Variants in CLSTN2 observed in about 807,000 individuals in gnomAD.
The protein encoded by CLSTN2 is calsyntenin 2.
A neutral mutation model predicts 101.2 loss-of-function variants in CLSTN2; 48 were observed. The observed-to-expected ratio is 0.47, with a 90% CI of 0.38 to 0.60. CLSTN2 has a LOEUF of 0.60. Among genes scored for constraint, CLSTN2 ranks in the 20% least tolerant of loss-of-function variants. The pLI is 0.00. For missense variants in CLSTN2, 1,160 were observed against 1,238.2 expected, an observed-to-expected ratio of 0.94 and a Z score of 0.95; for synonymous variants, 481 against 463.6, an observed-to-expected ratio of 1.04 and a Z score of -0.48.
chr3:140,175,163 A>G (rs540451789), intron 1 of CLSTN2, among the ~76,000 whole-genome samples: 60 of 152,330 alleles, frequency 3.9e-4, no homozygotes, highest in African/African-American at 1.4e-3. Context: ...TCTATCTCCC[A>G]ATAATTCACA....
intron 2 of CLSTN2, among the ~76,000 whole-genome samples, chr3:140,380,884 A>G (rs1470643836): frequency 6.6e-6 from 1 of 152,198 alleles, no homozygotes; most frequent in African/African-American, 2.4e-5. Flanking sequence ...AGGGCAATTG[A>G]AGAAGTGTAG....
chr3:140,429,500 T>G (rs1006588694), intron 5 of CLSTN2, among the ~76,000 whole-genome samples: 1 of 152,058 alleles, frequency 6.6e-6, no homozygotes, highest in Non-Finnish European at 1.5e-5. Flanking sequence ...ACAATGTGGC[T>G]GGATCAGAGG....
intron 1 of CLSTN2, among the ~76,000 whole-genome samples, chr3:140,133,830 G>T (rs1017645922): frequency 1.3e-5 from 2 of 152,178 alleles, no homozygotes; most frequent in Non-Finnish European, 1.5e-5. Context: ...AACCAAAACA[G>T]TTCTCCTGCC....
intron 5 of CLSTN2, among the ~76,000 whole-genome samples, chr3:140,429,790 CAAGTT>C (rs923433153): frequency 3.9e-5 from 6 of 152,124 alleles, no homozygotes; most frequent in African/African-American, 1.4e-4. Flanking sequence ...ATTCCAAACT[CAAGTT>C]AAAGTGGGCA....
chr3:140,532,055 G>C (rs909201365), intron 8 of CLSTN2, among the ~76,000 whole-genome samples: 4 of 152,074 alleles, frequency 2.6e-5, no homozygotes, highest in African/African-American at 9.7e-5. Context: ...GCCTCCCCAG[G>C]TGCACCATGG....
At chr3:140,175,404 T>G (rs548350801) in intron 1 of CLSTN2, among the ~76,000 whole-genome samples, 1 of 152,280 alleles carries the variant, frequency 6.6e-6, no homozygotes, top group African/African-American at 2.4e-5. Context: ...GTTTTATCTT[T>G]GCATATATAA....
At chr3:139,937,104 G>A (rs562112526) in intron 1 of CLSTN2, among the ~76,000 whole-genome samples, 3 of 151,866 alleles carry the variant, frequency 2.0e-5, no homozygotes, top group Non-Finnish European at 2.9e-5. Context: ...TACTTTTTTG[G>A]GGGGTGGGGG....
In CLSTN2 at chr3:140,448,842, A is replaced by G. The variant is rs529705913; in HGVS notation, c.973+138A>G. 6.8e-5 allele frequency: 51 copies of G among 748,128 alleles called. No individual in the cohort carries two copies. In the East Asian group the frequency reaches 1.4e-3, roughly 21 times the overall value. The allele number at this position is 748,128 out of a possible 1,614,324, so 46.3% of individuals were successfully genotyped here. On this transcript the variant is annotated intron_variant, in intron 6 of 16. Transcript: ENST00000458420. ...ATGTGTAACTCCTGGATGGATTTTA[A>G]GTTTACTTATGGCAGAAGGGTTGGA...
At chr3:140,430,476 TAAAGATTTATTGGAACACGGCC>T (rs1383430947) in intron 5 of CLSTN2, among the ~76,000 whole-genome samples, 1 of 152,228 alleles carries the variant, frequency 6.6e-6, no homozygotes, top group Admixed American at 6.5e-5. Context: ...TGCATGTAGA[TAAAGATTTATTGGAACACGGCC>T]ACACTCATTA....
intron 1 of CLSTN2, among the ~76,000 whole-genome samples, chr3:139,968,657 GTATTCTGT>G (rs897677876): frequency 6.6e-6 from 1 of 152,164 alleles, no homozygotes; most frequent in African/African-American, 2.4e-5. Context: ...CCAGTTTGTG[GTATTCTGT>G]TACAGAAGCA....
At chr3:140,042,860 T>C (rs1016698456) in intron 1 of CLSTN2, among the ~76,000 whole-genome samples, 4 of 152,320 alleles carry the variant, frequency 2.6e-5, no homozygotes, top group Non-Finnish European at 5.9e-5. Context: ...AACTCATCCT[T>C]TTTTATGGCT....
intron 2 of CLSTN2, among the ~76,000 whole-genome samples, chr3:140,285,412 C>T (rs542996776): frequency 2.6e-5 from 4 of 152,060 alleles, no homozygotes; most frequent in South Asian, 2.1e-4. Flanking sequence ...CGCTTCAGGT[C>T]GGCTTGCATG....
At chr3:140,388,134 C>T (rs1400809232) in intron 2 of CLSTN2, among the ~76,000 whole-genome samples, 1 of 152,236 alleles carries the variant, frequency 6.6e-6, no homozygotes, top group Admixed American at 6.5e-5. Flanking sequence ...AAGAAACCCA[C>T]TACAGGCTGT....
At chr3:140,029,839 C>T (rs1576402419) in intron 1 of CLSTN2, among the ~76,000 whole-genome samples, 3 of 152,208 alleles carry the variant, frequency 2.0e-5, no homozygotes, top group South Asian at 4.2e-4. Context: ...CTGCTGATAC[C>T]TCTGTATCAC....
chr3:140,189,602 T>C (rs1455597425), intron 2 of CLSTN2, among the ~76,000 whole-genome samples: 1 of 152,244 alleles, frequency 6.6e-6, no homozygotes, highest in Non-Finnish European at 1.5e-5. Context: ...TTGTTATTTA[T>C]ATTCTTACGG....
chr3:140,507,149 G>GGGCCA (rs1395208843), intron 8 of CLSTN2: 3 of 152,112 alleles, frequency 2.0e-5, no homozygotes, highest in Non-Finnish European at 4.4e-5. Context: ...TTATAACTGA[G>GGGCCA]GGCCATGAGT....
chr3:140,165,455 T>TAG (rs1324531738), intron 1 of CLSTN2, among the ~76,000 whole-genome samples: 9 of 152,084 alleles, frequency 5.9e-5, no homozygotes, highest in Admixed American at 1.3e-4. Flanking sequence ...TCAGGGTTCT[T>TAG]CAGGAAATGG....
intron 1 of CLSTN2, among the ~76,000 whole-genome samples, chr3:140,127,899 G>T (rs1350888731): frequency 6.6e-6 from 1 of 152,046 alleles, no homozygotes; most frequent in Non-Finnish European, 1.5e-5. Flanking sequence ...CCAAACCCTG[G>T]CAATACCACA....
chr3:140,055,390 A>G (rs2008078527), intron 1 of CLSTN2, among the ~76,000 whole-genome samples: 1 of 152,242 alleles, frequency 6.6e-6, no homozygotes, highest in South Asian at 2.1e-4. Flanking sequence ...TTGGAGGTAG[A>G]AAAGAACATG....
Sources: allele counts gnomAD v4.1 joint callset (sites outside exome capture counted in the v4.1 genomes callset), GRCh38; gene constraint gnomAD v4.1.1; transcripts MANE v1.5; gene names NCBI Gene and HGNC (gene_info 2026-07-23, HGNC 2026-07-21).